GRM8: variants seen among roughly 807,000 people sequenced by gnomAD.
The protein encoded by GRM8 is metabotropic glutamate receptor 8.
A neutral mutation model predicts 87.2 loss-of-function variants in GRM8; 47 were observed. The observed-to-expected ratio is 0.54, with a 90% CI of 0.43 to 0.69. The LOEUF (loss-of-function observed/expected upper bound fraction) is 0.69. Among genes scored for constraint, GRM8 ranks in the 30% least tolerant of loss-of-function variants. GRM8 has a pLI of 0.00. For synonymous variants in GRM8, 396 were observed against 404.5 expected (o/e 0.98, Z 0.25); for missense variants, 1,019 against 1,139.2 (o/e 0.89, Z 1.52).
At chr7:126,787,776 G>T in intron 6 of GRM8, among the ~76,000 whole-genome samples, 1 of 151,276 alleles carries the variant, frequency 6.6e-6, no homozygotes. Flanking sequence ...TTCTATTTCT[G>T]GATATTCAAT....
chr7:127,192,924 CA>C (rs1228699695), intron 2 of GRM8, among the ~76,000 whole-genome samples: 1 of 152,170 alleles, frequency 6.6e-6, no homozygotes, highest in African/African-American at 2.4e-5. Context: ...TTCCCACCTT[CA>C]AGCCTCTCCA....
chr7:127,010,851 T>C (rs950225242), intron 3 of GRM8, among the ~76,000 whole-genome samples: 3 of 152,002 alleles, frequency 2.0e-5, no homozygotes, highest in Non-Finnish European at 2.9e-5. Flanking sequence ...TGAGTAGATA[T>C]GATATTCAAA....
intron 2 of GRM8, among the ~76,000 whole-genome samples, chr7:127,151,700 G>A (rs1828869230): frequency 6.6e-6 from 1 of 152,012 alleles, no homozygotes; most frequent in South Asian, 2.1e-4. Flanking sequence ...TTGAACCTGT[G>A]TATTTACAGA....
At chr7:126,529,529 C>T (rs1271330689) in intron 9 of GRM8, among the ~76,000 whole-genome samples, 1 of 152,196 alleles carries the variant, frequency 6.6e-6, no homozygotes, top group Non-Finnish European at 1.5e-5. Flanking sequence ...GGAAGAAAAT[C>T]TGGTTTGAGA....
intron 9 of GRM8, among the ~76,000 whole-genome samples, chr7:126,459,502 G>GTACC (rs1803652780): frequency 6.6e-6 from 1 of 151,512 alleles, no homozygotes; most frequent in Non-Finnish European, 1.5e-5. Context: ...GTATTAGGTA[G>GTACC]GGTACAGTCC....
intron 3 of GRM8, among the ~76,000 whole-genome samples, chr7:127,037,549 T>C (rs986391196): frequency 4.6e-5 from 7 of 152,206 alleles, no homozygotes; most frequent in Non-Finnish European, 1.0e-4. Flanking sequence ...TGGACACTCA[T>C]CTGCTTCCTT....
intron 2 of GRM8, among the ~76,000 whole-genome samples, chr7:127,230,202 C>T (rs1797594772): frequency 6.8e-6 from 1 of 147,680 alleles, no homozygotes; most frequent in South Asian, 2.3e-4. Context: ...TCTGTGCTCA[C>T]TGGCTTGGGT....
At chr7:126,455,810 A>C (rs1291489799) in intron 9 of GRM8, among the ~76,000 whole-genome samples, 1 of 151,678 alleles carries the variant, frequency 6.6e-6, no homozygotes, top group East Asian at 2.0e-4. Flanking sequence ...GGCTATTGAC[A>C]ATACAGCAGG....
intron 3 of GRM8, among the ~76,000 whole-genome samples, chr7:126,963,075 T>TTTTG (rs1242596056): frequency 6.6e-6 from 1 of 152,084 alleles, no homozygotes. Flanking sequence ...ACTCACTGAG[T>TTTTG]TTTGTTTGTT....
chr7:127,029,165 C>T (rs187916705), intron 3 of GRM8, among the ~76,000 whole-genome samples: 254 of 152,254 alleles, frequency 1.7e-3, no homozygotes, highest in African/African-American at 5.9e-3. Context: ...TTTCTTAATC[C>T]TGAGTTCTAA....
chr7:126,907,835 A>G (rs1283735256), intron 3 of GRM8, among the ~76,000 whole-genome samples: 10 of 152,158 alleles, frequency 6.6e-5, no homozygotes, highest in Admixed American at 5.9e-4. Context: ...GGCAGTGGGA[A>G]ATGATGACTG....
Position 126,910,276 on chromosome 7 carries a change from CT to C in GRM8, c.728-5594del, listed in dbSNP as rs537396752. Among the ~76,000 whole-genome samples the C allele has an allele frequency of 1.0e-3, 154 of 152,070 alleles. 2 individuals are homozygous for C. Among genetic ancestry groups the C allele is most frequent in the Non-Finnish European group, 5.4e-4 (37 of 67,946 alleles). ...AGCAATCATAATAATTTTAATTTTA[CT>C]TTTTTTTGTTACTTCTTTTTCTTTT... On this transcript the variant is annotated intron_variant, in intron 3 of 10. Transcript: ENST00000339582.
chr7:126,453,068 GAAAC>G (rs1220878592), intron 9 of GRM8, among the ~76,000 whole-genome samples: 1 of 111,446 alleles, frequency 9.0e-6, no homozygotes. Context: ...CTTTATAGCA[GAAAC>G]ACACACACAC....
intron 8 of GRM8, among the ~76,000 whole-genome samples, chr7:126,607,036 A>G (rs1362974090): frequency 6.6e-6 from 1 of 152,248 alleles, no homozygotes; most frequent in Non-Finnish European, 1.5e-5. Context: ...CGACATTAAT[A>G]AAAGTCAGAT....
At chr7:126,847,886 A>G (rs1009723176) in intron 6 of GRM8, among the ~76,000 whole-genome samples, 2 of 152,206 alleles carry the variant, frequency 1.3e-5, no homozygotes, top group Admixed American at 6.6e-5. Flanking sequence ...TTTGGGAACT[A>G]AAATCTGCAC....
At chr7:127,004,530 C>T (rs117381290) in intron 3 of GRM8, among the ~76,000 whole-genome samples, 2,016 of 151,516 alleles carry the variant, frequency 0.013, 29 homozygotes, top group Non-Finnish European at 0.019. Flanking sequence ...AAAGCTTCAC[C>T]GATATTGAGG....
chr7:127,239,432 T>G lies in GRM8; in HGVS notation c.510+3263A>C, dbSNP rs920416815. The stretch of plus-strand genomic sequence containing the variant: ...TTTAACTCCATTATCTGGGAATAAC[T>G]AGCAATACATTAATTTCTGGGCATA... On this transcript the variant is annotated intron_variant, in intron 2 of 10. Coordinates refer to ENST00000339582, the MANE Select transcript of GRM8 (RefSeq NM_000845.3). Among the ~76,000 whole-genome samples the G allele has an allele frequency of 2.6e-5, 4 of 152,234 alleles. No individual in the cohort carries two copies. The South Asian group carries it at 8.3e-4, about 32-fold the overall frequency.
At chr7:127,060,835 T>C (rs571559177) in intron 3 of GRM8, among the ~76,000 whole-genome samples, 15 of 152,324 alleles carry the variant, frequency 9.8e-5, no homozygotes, top group Middle Eastern at 3.4e-3. Context: ...TTAACTCATT[T>C]TGTGTCTTTC....
intron 3 of GRM8, among the ~76,000 whole-genome samples, chr7:126,971,184 ACACTATC>A (rs1810389021): frequency 8.7e-6 from 1 of 114,846 alleles, no homozygotes; most frequent in East Asian, 3.0e-4. Flanking sequence ...AAAAAAAAAA[ACACTATC>A]TGTAAAGTAC....
Sources: allele counts gnomAD v4.1 joint callset (sites outside exome capture counted in the v4.1 genomes callset), GRCh38; gene constraint gnomAD v4.1.1; transcripts MANE v1.5; gene names NCBI Gene and HGNC (gene_info 2026-07-23, HGNC 2026-07-21).